The following ST6GAL2 variants were observed in gnomAD, a reference collection of about 807,000 sequenced individuals.
ST6GAL2 encodes ST6 beta-galactoside alpha-2,6-sialyltransferase 2, also known as beta-galactoside alpha-2,6-sialyltransferase 2.
Under a neutral mutation model 37.5 loss-of-function variants are expected in ST6GAL2, and 24 were observed. The observed-to-expected ratio is 0.64, with a 90% CI of 0.46 to 0.90. ST6GAL2 has a LOEUF of 0.90. ST6GAL2 is among the 40% of genes least tolerant of loss of function. The pLI, the probability that ST6GAL2 is intolerant of heterozygous loss-of-function variation, is 0.00. For missense variants in ST6GAL2, 715 were observed against 712.7 expected (o/e 1.00, Z -0.04); for synonymous variants, 306 against 295.1 (o/e 1.04, Z -0.38).
chr2:106,879,716 T>C (rs1259900808), intron 1 of ST6GAL2, among the ~76,000 whole-genome samples: 3 of 148,026 alleles, frequency 2.0e-5, no homozygotes, highest in South Asian at 4.2e-4. Flanking sequence ...AGACCAATTA[T>C]ATATTATTAT....
At chr2:106,850,797 G>T (rs947872835) in intron 1 of ST6GAL2, among the ~76,000 whole-genome samples, 2 of 152,284 alleles carry the variant, frequency 1.3e-5, no homozygotes, top group Middle Eastern at 6.8e-3. Context: ...CTTTTCCTCT[G>T]ATATAGTATA....
intron 1 of ST6GAL2, among the ~76,000 whole-genome samples, chr2:106,879,924 G>A (rs1678678647): frequency 6.8e-6 from 1 of 146,898 alleles, no homozygotes; most frequent in African/African-American, 2.5e-5. Flanking sequence ...TATACTTACA[G>A]ACCAATTATA....
At chr2:106,832,701 G>C in intron 3 of ST6GAL2, 35 bp from the exon 4 acceptor site, 1 of 1,409,978 alleles carries the variant, frequency 7.1e-7, no homozygotes, top group South Asian at 1.2e-5. Context: ...TCAAAGCCAG[G>C]GTTTGGTTTT....
chr2:106,851,759 G>A (rs145702847), intron 1 of ST6GAL2, among the ~76,000 whole-genome samples: 5 of 150,020 alleles, frequency 3.3e-5, no homozygotes, highest in Non-Finnish European at 3.0e-5. Flanking sequence ...ACACACTCAC[G>A]TCCTTTTTTT....
rs1320635974 is a variant in ST6GAL2, at chr2:106,826,022, C to T, written c.1318+4044G>A. Among the ~76,000 whole-genome samples, 4 of 152,170 alleles carry T rather than the reference C, an allele frequency of 2.6e-5. 1 individual carries two copies. Among genetic ancestry groups the T allele is most frequent in the African/African-American group, 9.7e-5 (4 of 41,434 alleles). On this transcript the variant is annotated intron_variant, in intron 5 of 5. Coordinates refer to ENST00000409382, the MANE Select transcript of ST6GAL2 (RefSeq NM_001142351.2). ...GGGAATCTAACTGCCGCTGGATAATCTCCATACAAAGAAATGTCTTTCGTG... is the reference window on the plus strand; with the variant it reads ...GGGAATCTAACTGCCGCTGGATAATTTCCATACAAAGAAATGTCTTTCGTG...
rs570502522 is a variant in ST6GAL2 at position 106,869,997 on chromosome 2, C to T, written c.-58+16096G>A. 3.3e-4 allele frequency among the ~76,000 whole-genome samples: 50 copies of T among 152,266 alleles called. 1 individual carries two copies. The highest frequency in any genetic ancestry group is 1.2e-3 in the African/African-American group (48 of 41,562). ...GCCACTTTCCACTTCAGTGGTGTGA[C>T]GGACCAACACAACTAATGAAGGTGA... On this transcript the variant is annotated intron_variant, in intron 1 of 5. Coordinates refer to ENST00000409382, the MANE Select transcript of ST6GAL2 (RefSeq NM_001142351.2).
rs149711606 is a variant in ST6GAL2, at chr2:106,831,745, C to T, written c.1143+820G>A. 2.8e-3 allele frequency among the ~76,000 whole-genome samples: 428 copies of T among 152,220 alleles called. 2 individuals are homozygous for T. The highest frequency in any genetic ancestry group is 9.1e-3 in the African/African-American group (379 of 41,540). The stretch of plus-strand genomic sequence containing the variant: ...ACCAAAATGCTCCTTCTCCAGGAGC[C>T]GCTTTTATCTTGGGAGGTTACCTCT... On this transcript the variant is annotated intron_variant, in intron 4 of 5. Coordinates refer to ENST00000409382, the MANE Select transcript of ST6GAL2 (RefSeq NM_001142351.2).
At chr2:106,829,035 A>G (rs959733412) in intron 5 of ST6GAL2, among the ~76,000 whole-genome samples, 2 of 152,226 alleles carry the variant, frequency 1.3e-5, no homozygotes, top group Non-Finnish European at 2.9e-5. Flanking sequence ...TACTGGAACT[A>G]GTCTCATCAA....
chr2:106,856,329 T>C (rs1478997722), intron 1 of ST6GAL2, among the ~76,000 whole-genome samples: 1 of 152,168 alleles, frequency 6.6e-6, no homozygotes, highest in Non-Finnish European at 1.5e-5. Flanking sequence ...CTCCACCTTT[T>C]AATCCTTCCC....
intron 5 of ST6GAL2, chr2:106,812,979 T>C (rs538451587): frequency 2.7e-6 from 3 of 1,129,612 alleles, no homozygotes; most frequent in South Asian, 9.3e-5. Context: ...GCTTTCAACA[T>C]GAGGCTGGAC....
intron 1 of ST6GAL2, among the ~76,000 whole-genome samples, chr2:106,884,667 G>T (rs1454483224): frequency 6.6e-6 from 1 of 152,034 alleles, no homozygotes; most frequent in Non-Finnish European, 1.5e-5. Flanking sequence ...TAACTTTGCA[G>T]TAAAATTCAA....
intron 1 of ST6GAL2, among the ~76,000 whole-genome samples, chr2:106,868,307 A>C (rs1678119293): frequency 6.6e-6 from 1 of 152,202 alleles, no homozygotes; most frequent in South Asian, 2.1e-4. Context: ...AACTCATACA[A>C]ATCCCCGGCA....
intron 1 of ST6GAL2, among the ~76,000 whole-genome samples, chr2:106,856,852 T>C (rs1453188553): frequency 1.3e-5 from 2 of 152,226 alleles, no homozygotes; most frequent in African/African-American, 4.8e-5. Flanking sequence ...AATTTAGATA[T>C]TCTACCAATT....
At chr2:106,874,129 G>A (rs1678396914) in intron 1 of ST6GAL2, among the ~76,000 whole-genome samples, 1 of 152,186 alleles carries the variant, frequency 6.6e-6, no homozygotes, top group Non-Finnish European at 1.5e-5. Flanking sequence ...GAGGCTGCCT[G>A]CAAGGAACTT....
chr2:106,857,805 G>A (rs1677638037), intron 1 of ST6GAL2, among the ~76,000 whole-genome samples: 1 of 152,100 alleles, frequency 6.6e-6, no homozygotes, highest in Admixed American at 6.5e-5. Flanking sequence ...GGGCAGGTGT[G>A]AGCAGCACGG....
At chr2:106,837,879 C>A (rs184167017) in intron 2 of ST6GAL2, among the ~76,000 whole-genome samples, 56 of 152,264 alleles carry the variant, frequency 3.7e-4, no homozygotes. Flanking sequence ...AGTGTAATTC[C>A]TTTGGAGGTG....
intron 5 of ST6GAL2, among the ~76,000 whole-genome samples, chr2:106,827,852 G>C (rs910630015): frequency 6.6e-6 from 1 of 152,150 alleles, no homozygotes; most frequent in Non-Finnish European, 1.5e-5. Context: ...ATGCTTATTA[G>C]TATTTCCATT....
At chr2:106,816,738 A>C (rs1056218076) in intron 5 of ST6GAL2, among the ~76,000 whole-genome samples, 3 of 152,184 alleles carry the variant, frequency 2.0e-5, no homozygotes, top group Non-Finnish European at 4.4e-5. Flanking sequence ...AACTATCCAC[A>C]CAAAAAAAGC....
chr2:106,836,031 G>A (rs1676621336), intron 2 of ST6GAL2, among the ~76,000 whole-genome samples: 1 of 152,062 alleles, frequency 6.6e-6, no homozygotes, highest in South Asian at 2.1e-4. Context: ...CACTTTTTAG[G>A]CAGATGGAAT....
Sources: gnomAD v4.1 joint callset for allele counts (sites outside exome capture counted in the v4.1 genomes callset) on GRCh38, gnomAD v4.1.1 for gene constraint, MANE v1.5 for transcripts, NCBI Gene and HGNC (gene_info 2026-07-23, HGNC 2026-07-21) for gene names.